The following BCL6 variants were observed in gnomAD, a reference collection of about 807,000 sequenced individuals.
The protein encoded by BCL6 is B-cell lymphoma 6 protein.
A neutral mutation model predicts 59.5 loss-of-function variants in BCL6; 7 were observed. That is an observed-to-expected ratio of 0.12 (90% CI 0.07 to 0.22). The LOEUF is 0.22. Among genes scored for constraint, BCL6 ranks in the 10% least tolerant of loss-of-function variants. The pLI is 1.00. For missense variants in BCL6, 685 were observed against 939.4 expected, an observed-to-expected ratio of 0.73 and a Z score of 3.54; for synonymous variants, 339 against 349.7, an observed-to-expected ratio of 0.97 and a Z score of 0.34.
At chr3:187,744,030 T>C (rs908431575) in intron 1 of BCL6, among the ~76,000 whole-genome samples, 2 of 152,230 alleles carry the variant, frequency 1.3e-5, no homozygotes, top group South Asian at 2.1e-4. Flanking sequence ...CTGTTCGTCT[T>C]TCTCCTCGCC....
Position 187,725,025 on chromosome 3 carries a change from G to T in BCL6, c.1893C>A (p.Pro631=). ...VLIHTGEKPY[P]CEICGTRFRH... ...GGAAACGGGTGCCACAGATTTCACA[G>T]GGATAGGGCTTCTCACCAGTGTGGA... Residue 631 remains proline (P), a synonymous_variant, in exon 9 of 10, where the codon CCC becomes CCA. Coordinates refer to ENST00000406870, the MANE Select transcript of BCL6 (RefSeq NM_001706.5). This position sits in a 1 kb window ranked among gnomAD's most constrained non-coding sequence, Gnocchi z 4.7. 2 of 1,614,240 alleles carry T rather than the reference G, an allele frequency of 1.2e-6. No homozygotes were observed. The highest frequency in any genetic ancestry group is 1.7e-6 in the Non-Finnish European group (2 of 1,180,038).
At chr3:187,734,278 G>A (rs1050125526) in intron 2 of BCL6, among the ~76,000 whole-genome samples, 59 of 152,242 alleles carry the variant, frequency 3.9e-4, no homozygotes, top group Middle Eastern at 3.4e-3. Context: ...TCCTGACCTC[G>A]TGATCTGCCC....
At chr3:187,730,896 C>T (rs1719007893) in intron 4 of BCL6, among the ~76,000 whole-genome samples, 1 of 152,178 alleles carries the variant, frequency 6.6e-6, no homozygotes, top group Non-Finnish European at 1.5e-5. Context: ...TCTAACTGTC[C>T]AAGGTATGCT....
chr3:187,731,992 A>G, intron 3 of BCL6, 62 bp from the exon 4 acceptor site: 1 of 1,408,656 alleles, frequency 7.1e-7, no homozygotes, highest in South Asian at 1.2e-5. Flanking sequence ...CCTTACAGTC[A>G]GCACTGATAC....
At chr3:187,740,538 C>T (rs527494179) in intron 1 of BCL6, among the ~76,000 whole-genome samples, 1 of 152,224 alleles carries the variant, frequency 6.6e-6, no homozygotes, top group Non-Finnish European at 1.5e-5. Flanking sequence ...GTTCTGGCAG[C>T]CGCTCCTTTC....
intron 1 of BCL6, chr3:187,736,273 C>G (rs1037331413): frequency 2.0e-5 from 3 of 152,216 alleles, no homozygotes; most frequent in Admixed American, 2.0e-4. Flanking sequence ...GACAAAAGAA[C>G]CTATCTCCTC....
intron 1 of BCL6, among the ~76,000 whole-genome samples, chr3:187,743,998 A>G (rs1579830961): frequency 6.6e-6 from 1 of 152,266 alleles, no homozygotes; most frequent in South Asian, 2.1e-4. Context: ...AGTCTTGCAC[A>G]TAAGGAACGC....
chr3:187,729,740 T>A lies in BCL6; in HGVS notation c.665A>T (p.Asn222Ile). 6.2e-7 allele frequency: 1 copy of A among 1,613,968 alleles called. No homozygotes were observed. Among genetic ancestry groups the A allele is most frequent in the Non-Finnish European group, 8.5e-7 (1 of 1,179,974 alleles). ...GAGTGCCCGCTCCTTGGGGAAGGGGTTGGCCACAGGCATCCGGACATCCCG... is the reference window on the plus strand; with the variant it reads ...GAGTGCCCGCTCCTTGGGGAAGGGGATGGCCACAGGCATCCGGACATCCCG... ...EFRDVRMPVA[N>I]PFPKERALPC... Residue 222 changes from asparagine (N) to isoleucine (I), a missense_variant, in exon 5 of 10, where the codon AAC becomes ATC. Coordinates refer to ENST00000406870, the MANE Select transcript of BCL6 (RefSeq NM_001706.5). This position sits in a 1 kb window ranked among gnomAD's most constrained non-coding sequence, Gnocchi z 5.6.
At chr3:187,744,498 C>G (rs971464027) in intron 1 of BCL6, among the ~76,000 whole-genome samples, 1 of 152,068 alleles carries the variant, frequency 6.6e-6, no homozygotes, top group Non-Finnish European at 1.5e-5. Context: ...CACCAAAACA[C>G]TCGGCTCTCA....
Position 187,731,948 on chromosome 3 carries a change from G to A in BCL6, c.162-18C>T. 1 of 1,594,088 alleles carries A rather than the reference G, an allele frequency of 6.3e-7. No homozygotes were observed. Among genetic ancestry groups the A allele is most frequent in the African/African-American group, 1.3e-5 (1 of 74,536 alleles). Reference sequence around the variant, plus strand: ...ACAGGCCACTGTAAAACAAACAAATGTCCCACTATAGTAGACATATCGAAT... The same window carrying A: ...ACAGGCCACTGTAAAACAAACAAATATCCCACTATAGTAGACATATCGAAT... On this transcript the variant is annotated intron_variant, in intron 3 of 9. Transcript: ENST00000406870.
In BCL6 at chr3:187,726,914, A is replaced by G; in HGVS notation, c.1541-16T>C. ...GCCCCGTTCTCTGTTGGAGGGTGGTAGGGGGACACCAAAGTCAGCACGAGG... is the reference window on the plus strand; with the variant it reads ...GCCCCGTTCTCTGTTGGAGGGTGGTGGGGGGACACCAAAGTCAGCACGAGG... On this transcript the variant is annotated splice_polypyrimidine_tract_variant and intron_variant, in intron 6 of 9. Transcript: ENST00000406870. 1 of 1,613,676 alleles carries G rather than the reference A, an allele frequency of 6.2e-7. No homozygotes were observed. Among genetic ancestry groups the G allele is most frequent in the South Asian group, 1.1e-5 (1 of 91,070 alleles).
At position 187,725,476 on chromosome 3, in the gene BCL6, G is replaced by C; in HGVS notation, c.1839+23C>G. On this transcript the variant is annotated intron_variant, in intron 8 of 9. Transcript: ENST00000406870. The surrounding 1 kb of genome is among the most constrained non-coding windows in gnomAD (Gnocchi z 4.7). ...CCCGCTCCGCTCGCCTGCCCGCTCCGCTCGCCTGCCCACTCTGCTCACCTG... is the reference window on the plus strand; with the variant it reads ...CCCGCTCCGCTCGCCTGCCCGCTCCCCTCGCCTGCCCACTCTGCTCACCTG... The C allele has an allele frequency of 8.1e-7, 1 of 1,240,020 alleles. No homozygotes were observed. Among genetic ancestry groups the C allele is most frequent in the Non-Finnish European group, 1.1e-6 (1 of 905,380 alleles). The allele number at this position is 1,240,020 out of a possible 1,614,324, so 76.8% of individuals were successfully genotyped here.
chr3:187,729,044 A>G lies in BCL6; in HGVS notation c.1355+6T>C. 2 of 1,518,812 alleles carry G rather than the reference A, an allele frequency of 1.3e-6. No individual in the cohort carries two copies. Among genetic ancestry groups the G allele is most frequent in the Non-Finnish European group, 1.8e-6 (2 of 1,135,656 alleles). 94.1% of individuals were successfully genotyped at this position (1,518,812 alleles called of 1,614,324 possible). A position where few individuals can be genotyped will look rare whatever the true frequency, so the allele number is the denominator to read the frequency against. On this transcript the variant is annotated splice_donor_region_variant and intron_variant, in intron 5 of 9. Coordinates refer to ENST00000406870, the MANE Select transcript of BCL6 (RefSeq NM_001706.5). The surrounding 1 kb of genome is among the most constrained non-coding windows in gnomAD (Gnocchi z 5.6). Reference sequence around the variant, plus strand: ...GACCTCAGACCCAGACAGTCTCTGAAATCACCTGTTAACGATGTTATTGAG... The same window carrying G: ...GACCTCAGACCCAGACAGTCTCTGAGATCACCTGTTAACGATGTTATTGAG...
At chr3:187,726,422 T>C (rs1523475) in intron 7 of BCL6, among the ~76,000 whole-genome samples, 114,467 of 152,214 alleles carry the variant, frequency 0.75, 43,908 homozygotes, top group East Asian at 0.87. Flanking sequence ...TTACAAAAAT[T>C]GAATCTATTT....
At chr3:187,742,252 G>A (rs1711633258) in intron 1 of BCL6, among the ~76,000 whole-genome samples, 1 of 152,158 alleles carries the variant, frequency 6.6e-6, no homozygotes, top group African/African-American at 2.4e-5. Context: ...AACAAAGTGG[G>A]TTGTGAGTGT....
At position 187,722,304 on chromosome 3, in the gene BCL6, G is replaced by GGGCCCCCCCC; in HGVS notation, c.*153_*154insGGGGGGGGCC. 2 of 309,286 alleles carry GGGCCCCCCCC rather than the reference G, an allele frequency of 6.5e-6. No individual in the cohort carries two copies. The highest frequency in any genetic ancestry group is 5.9e-6 in the Non-Finnish European group (1 of 169,622). The allele number at this position is 309,286 out of a possible 1,614,324, so 19.2% of individuals were successfully genotyped here. On this transcript the variant is annotated 3_prime_UTR_variant, in exon 10 of 10. Transcript: ENST00000406870. ...GCTGCTGCGGCTCCCAGTCCCCCAG[G>GGGCCCCCCCC]CCCCGACCCCCACCACCCCCAACCC...
chr3:187,724,874 G>GCC (rs1718595092), intron 9 of BCL6, 67 bp downstream of exon 9: 3 of 1,595,036 alleles, frequency 1.9e-6, no homozygotes, highest in African/African-American at 2.7e-5. Context: ...CCTTCCCTGC[G>GCC]CTCCACCTCC....
At position 187,729,453 on chromosome 3, in the gene BCL6, G is replaced by T. The variant is rs753608577; in HGVS notation, c.952C>A (p.Pro318Thr). The change falls in exon 5 of 10, where the codon CCC becomes ACC. Residue 318 changes from proline to threonine, a missense_variant. This residue lies in a region of BCL6 where 268 missense variants were observed against 263.8 expected (regional missense o/e 1.02). Coordinates refer to ENST00000406870, the MANE Select transcript of BCL6 (RefSeq NM_001706.5). The surrounding 1 kb of genome is among the most constrained non-coding windows in gnomAD (Gnocchi z 5.6). ...SEDEIALHFE[P>T]PNAPLNRKGL... Reference sequence around the variant, plus strand: ...TTCCGGTTCAGGGGTGCATTGGGGGGCTCGAAATGCAGGGCAATCTCATCT... The same window carrying T: ...TTCCGGTTCAGGGGTGCATTGGGGGTCTCGAAATGCAGGGCAATCTCATCT... 1.2e-6 allele frequency: 2 copies of T among 1,609,662 alleles called. No homozygotes were observed. The highest frequency in any genetic ancestry group is 1.7e-5 in the Admixed American group (1 of 59,734).
At chr3:187,745,221 A>C (rs538306384) in intron 1 of BCL6, among the ~76,000 whole-genome samples, 189 bp downstream of exon 1, 1 of 152,296 alleles carries the variant, frequency 6.6e-6, no homozygotes, top group African/African-American at 2.4e-5. Context: ...AGAATAAATA[A>C]ATATATACAT....
Sources: gnomAD v4.1 joint callset for allele counts (sites outside exome capture counted in the v4.1 genomes callset) on GRCh38, gnomAD v4.1.1 for gene constraint, gnomAD v4.1.1 regional missense constraint, Gnocchi (gnomAD v3.1) non-coding constraint, MANE v1.5 for transcripts, NCBI Gene and HGNC (gene_info 2026-07-23, HGNC 2026-07-21) for gene names.